CTTNBP2: variants seen among roughly 807,000 people sequenced by gnomAD.
The protein encoded by CTTNBP2 is cortactin-binding protein 2.
Under a neutral mutation model 156.9 loss-of-function variants are expected in CTTNBP2, and 108 were observed. The observed-to-expected ratio is 0.69, with a 90% CI of 0.59 to 0.81. The LOEUF is 0.81. Among genes scored for constraint, CTTNBP2 ranks in the 30% least tolerant of loss-of-function variants. CTTNBP2 has a pLI of 0.00. For missense variants in CTTNBP2, 1,924 were observed against 2,035.4 expected (o/e 0.95, Z 1.05); for synonymous variants, 767 against 751.8 (o/e 1.02, Z -0.33).
chr7:117,801,721 C>G (rs1799617119), intron 3 of CTTNBP2, among the ~76,000 whole-genome samples: 2 of 151,966 alleles, frequency 1.3e-5, no homozygotes. Context: ...GAAAAAACAT[C>G]TGTGTGTGTG....
At chr7:117,716,136 G>GT (rs1345856554) in intron 22 of CTTNBP2, among the ~76,000 whole-genome samples, 7 of 150,292 alleles carry the variant, frequency 4.7e-5, no homozygotes, top group Admixed American at 6.6e-5. Context: ...CAATAACATA[G>GT]TTTTTTTTTC....
chr7:117,739,063 T>G (rs1182553014), intron 14 of CTTNBP2, among the ~76,000 whole-genome samples: 1 of 152,182 alleles, frequency 6.6e-6, no homozygotes, highest in African/African-American at 2.4e-5. Flanking sequence ...GGGGAAAGCT[T>G]TGTCTTCATT....
chr7:117,715,273 T>C (rs1180293578), intron 22 of CTTNBP2, among the ~76,000 whole-genome samples: 1 of 151,866 alleles, frequency 6.6e-6, no homozygotes, highest in Non-Finnish European at 1.5e-5. Context: ...AAAAGGAACA[T>C]GTGAAAAGCT....
intron 3 of CTTNBP2, among the ~76,000 whole-genome samples, chr7:117,808,176 C>T (rs6466624): frequency 0.83 from 126,681 of 152,128 alleles, 53,358 homozygotes; most frequent in East Asian, 0.97. Flanking sequence ...TCTTCAGGGC[C>T]AGAATTTATA....
intron 22 of CTTNBP2, among the ~76,000 whole-genome samples, chr7:117,716,769 C>T (rs1452491913): frequency 6.6e-6 from 1 of 152,146 alleles, no homozygotes; most frequent in African/African-American, 2.4e-5. Context: ...GTGTAAATTC[C>T]CACTCCCATA....
Position 117,873,405 on chromosome 7 carries a change from T to C in CTTNBP2, c.11A>G (p.Asp4Gly), listed in dbSNP as rs754889630. The change falls in exon 1 of 23, where the codon GAC becomes GGC. Residue 4 changes from aspartate to glycine, a missense_variant. Transcript: ENST00000160373. MATDGASCEPDLSR... is the reference protein window; with the variant it reads MATGGASCEPDLSR... ...CAAGTCGGGCTCGCAGCTCGCGCCG[T>C]CCGTCGCCATCTTCCTGCTCTAGCG... The C allele has an allele frequency of 6.3e-5, 94 of 1,494,684 alleles. No homozygotes were observed. Among genetic ancestry groups the C allele is most frequent in the Non-Finnish European group, 7.9e-5 (89 of 1,129,238 alleles). The allele number at this position is 1,494,684 out of a possible 1,614,324, so 92.6% of individuals were successfully genotyped here. A position where few individuals can be genotyped will look rare whatever the true frequency, so the allele number is the denominator to read the frequency against.
chr7:117,815,790 C>T (rs1238305077), intron 2 of CTTNBP2, among the ~76,000 whole-genome samples: 1 of 152,170 alleles, frequency 6.6e-6, no homozygotes, highest in African/African-American at 2.4e-5. Context: ...CAAAATACAA[C>T]TGGCAGGCCT....
At chr7:117,746,511 T>A (rs569757887) in intron 12 of CTTNBP2, among the ~76,000 whole-genome samples, 1 of 152,212 alleles carries the variant, frequency 6.6e-6, no homozygotes, top group African/African-American at 2.4e-5. Context: ...CATTTCATTA[T>A]GGAAATTTTG....
chr7:117,864,276 T>C (rs940210685), intron 1 of CTTNBP2, among the ~76,000 whole-genome samples: 4 of 152,280 alleles, frequency 2.6e-5, no homozygotes, highest in Admixed American at 2.0e-4. Context: ...AAAATAAATC[T>C]GTCTCCCATC....
At chr7:117,793,940 G>A (rs1799175311) in intron 3 of CTTNBP2, among the ~76,000 whole-genome samples, 1 of 152,094 alleles carries the variant, frequency 6.6e-6, no homozygotes, top group Admixed American at 6.5e-5. Flanking sequence ...CACCCTGTGG[G>A]AAATAACAGT....
At chr7:117,716,831 A>T (rs1794406737) in intron 22 of CTTNBP2, among the ~76,000 whole-genome samples, 1 of 152,188 alleles carries the variant, frequency 6.6e-6, no homozygotes, top group Admixed American at 6.5e-5. Flanking sequence ...AATAGCCAGG[A>T]TCAAAACTTA....
intron 2 of CTTNBP2, among the ~76,000 whole-genome samples, chr7:117,817,362 ATATATATATAT>A (rs1405514762): frequency 2.0e-4 from 5 of 25,442 alleles, no homozygotes; most frequent in African/African-American, 6.7e-4. Context: ...AAAAAAAAAA[ATATATATATAT>A]ATATATATAT....
intron 9 of CTTNBP2, among the ~76,000 whole-genome samples, chr7:117,764,432 C>T (rs1554418054): frequency 6.6e-6 from 1 of 152,192 alleles, no homozygotes; most frequent in Non-Finnish European, 1.5e-5. Context: ...ATTTTCCACT[C>T]TTTCTTGGCT....
intron 8 of CTTNBP2, among the ~76,000 whole-genome samples, chr7:117,768,244 C>T (rs532783870): frequency 1.3e-5 from 2 of 152,072 alleles, no homozygotes; most frequent in South Asian, 2.1e-4. Flanking sequence ...TATTTCCTTC[C>T]TAATATAAAA....
At chr7:117,802,456 A>C (rs1417074071) in intron 3 of CTTNBP2, among the ~76,000 whole-genome samples, 18 of 143,472 alleles carry the variant, frequency 1.3e-4, no homozygotes, top group Non-Finnish European at 4.6e-5. Context: ...AAAAAAAAAA[A>C]ACAAAAACAA....
rs549817982 is a variant in CTTNBP2, at chr7:117,804,862, T to C, written c.414+5903A>G. On this transcript the variant is annotated intron_variant, in intron 3 of 22. Coordinates refer to ENST00000160373, the MANE Select transcript of CTTNBP2 (RefSeq NM_033427.3). ...GGTTGACAGGTGCAGCAAACCACCATGGCACATGTTTACCTATGTGACAAA... is the reference window on the plus strand; with the variant it reads ...GGTTGACAGGTGCAGCAAACCACCACGGCACATGTTTACCTATGTGACAAA... Among the ~76,000 whole-genome samples, 7 of 152,298 alleles carry C rather than the reference T, an allele frequency of 4.6e-5. No homozygotes were observed. In the South Asian group the frequency reaches 1.2e-3, roughly 27 times the overall value.
intron 17 of CTTNBP2, among the ~76,000 whole-genome samples, chr7:117,725,686 G>A (rs958462683): frequency 2.7e-5 from 4 of 149,070 alleles, no homozygotes; most frequent in Admixed American, 6.7e-5. Flanking sequence ...CTGAAATTGG[G>A]ATACTTTTTT....
intron 3 of CTTNBP2, among the ~76,000 whole-genome samples, chr7:117,799,119 A>G (rs1482689503): frequency 1.3e-5 from 2 of 151,916 alleles, no homozygotes; most frequent in East Asian, 1.9e-4. Context: ...AAAAAAAATG[A>G]TGCCAAACTT....
intron 2 of CTTNBP2, among the ~76,000 whole-genome samples, chr7:117,822,297 T>C (rs1280065792): frequency 6.6e-6 from 1 of 152,074 alleles, no homozygotes; most frequent in East Asian, 1.9e-4. Flanking sequence ...TAGCTAGGAG[T>C]ATTTCAATTT....
Sources: gnomAD v4.1 joint callset for allele counts (sites outside exome capture counted in the v4.1 genomes callset) on GRCh38, gnomAD v4.1.1 for gene constraint, MANE v1.5 for transcripts, NCBI Gene and HGNC (gene_info 2026-07-23, HGNC 2026-07-21) for gene names.